The following HSPA12A variants were observed in gnomAD, a reference collection of about 807,000 sequenced individuals.
HSPA12A encodes the protein heat shock 70 kDa protein 12A.
Under a neutral mutation model 69.2 loss-of-function variants are expected in HSPA12A, and 28 were observed. The observed-to-expected ratio is 0.40, with a 90% confidence interval of 0.30 to 0.55. The LOEUF (loss-of-function observed/expected upper bound fraction) is 0.55. Among genes scored for constraint, HSPA12A ranks in the 20% least tolerant of loss-of-function variants. HSPA12A has a pLI of 0.38. For missense variants in HSPA12A, 686 were observed against 900.7 expected, an observed-to-expected ratio of 0.76 and a Z score of 3.05; for synonymous variants, 345 against 370.5, an observed-to-expected ratio of 0.93 and a Z score of 0.79.
chr10:116,674,752 C>A lies in HSPA12A; in HGVS notation c.*29G>T, dbSNP rs782010448. The A allele has an allele frequency of 6.3e-6, 10 of 1,582,240 alleles. No homozygotes were observed. The Admixed American group carries it at 1.5e-4, about 24-fold the overall frequency. ...GTCAGCAGATGCAGATAAGTTGAGT[C>A]CAAGGGGACAGGCAGCGGGGCGGGA... On this transcript the variant is annotated 3_prime_UTR_variant, in exon 12 of 12. Transcript: ENST00000369209.
chr10:116,831,655 G>A (rs909537357), intron 2 of HSPA12A: 1 of 152,188 alleles, frequency 6.6e-6, no homozygotes, highest in Non-Finnish European at 1.5e-5. Flanking sequence ...TACTACTGGA[G>A]TCTATCAATG....
At chr10:116,756,778 A>T (rs1381838004) in intron 2 of HSPA12A, among the ~76,000 whole-genome samples, 3 of 152,234 alleles carry the variant, frequency 2.0e-5, no homozygotes, top group African/African-American at 4.8e-5. Flanking sequence ...TATTACAAGG[A>T]TAAATACAAA....
chr10:116,784,025 CATAATTACAT>C, intron 2 of HSPA12A, among the ~76,000 whole-genome samples: 1 of 152,202 alleles, frequency 6.6e-6, no homozygotes, highest in South Asian at 2.1e-4. Flanking sequence ...TTTAAAATTA[CATAATTACAT>C]CTATTTTTTT....
At chr10:116,732,761 G>A (rs1231294878) in intron 1 of HSPA12A, among the ~76,000 whole-genome samples, 4 of 152,146 alleles carry the variant, frequency 2.6e-5, no homozygotes, top group Non-Finnish European at 4.4e-5. Flanking sequence ...ATTTGTTAAC[G>A]GCAAGGAGGT....
At chr10:116,783,907 T>C (rs1844518481) in intron 2 of HSPA12A, among the ~76,000 whole-genome samples, 1 of 152,190 alleles carries the variant, frequency 6.6e-6, no homozygotes, top group African/African-American at 2.4e-5. Flanking sequence ...TTTCACCATG[T>C]TGGCCAGTAC....
intron 1 of HSPA12A, among the ~76,000 whole-genome samples, chr10:116,847,857 G>A (rs1335183035): frequency 6.6e-6 from 1 of 152,202 alleles, no homozygotes. Context: ...CCATTGAGAT[G>A]TCAAATGAAT....
intron 2 of HSPA12A, among the ~76,000 whole-genome samples, chr10:116,762,230 T>C (rs1189867761): frequency 2.0e-5 from 3 of 152,214 alleles, no homozygotes; most frequent in South Asian, 2.1e-4. Context: ...TCATCAGCCC[T>C]GTGGGCACCT....
At chr10:116,783,389 G>C (rs1554892018) in intron 2 of HSPA12A, among the ~76,000 whole-genome samples, 1 of 152,188 alleles carries the variant, frequency 6.6e-6, no homozygotes. Context: ...AGTGGGAAGA[G>C]GGACAGAGCC....
intron 1 of HSPA12A, among the ~76,000 whole-genome samples, chr10:116,741,227 TG>T (rs1354481595): frequency 2.0e-5 from 3 of 152,088 alleles, no homozygotes; most frequent in Non-Finnish European, 4.4e-5. Context: ...AACAATGGGC[TG>T]GGGTGGGGGC....
At chr10:116,811,435 C>T (rs982051288) in intron 2 of HSPA12A, among the ~76,000 whole-genome samples, 1 of 152,190 alleles carries the variant, frequency 6.6e-6, no homozygotes, top group Non-Finnish European at 1.5e-5. Flanking sequence ...GCGCCAATCA[C>T]CTTGTCAAGC....
intron 2 of HSPA12A, among the ~76,000 whole-genome samples, chr10:116,766,974 G>T (rs1399030013): frequency 6.6e-6 from 1 of 152,214 alleles, no homozygotes; most frequent in African/African-American, 2.4e-5. Flanking sequence ...TCGCGGAGGG[G>T]AAGTGGAGAC....
At chr10:116,691,386 T>C (rs1187731649) in intron 6 of HSPA12A, among the ~76,000 whole-genome samples, 1 of 152,164 alleles carries the variant, frequency 6.6e-6, no homozygotes, top group Non-Finnish European at 1.5e-5. Context: ...TGTGGGTTTT[T>C]TGTAAAGAAA....
chr10:116,837,935 A>T (rs999224124), intron 1 of HSPA12A, among the ~76,000 whole-genome samples: 2 of 152,120 alleles, frequency 1.3e-5, no homozygotes, highest in Admixed American at 6.6e-5. Context: ...TCATACTGAC[A>T]GGGTTTTTCT....
At position 116,672,414 on chromosome 10, in the gene HSPA12A, T is replaced by A. The variant is rs1849111446; in HGVS notation, c.*2367A>T. Reference sequence around the variant, plus strand: ...TGCTCCTTTCAATGGAATCTGTGACTGTTTGGGAAGGATGTGCATGGAGAA... The same window carrying A: ...TGCTCCTTTCAATGGAATCTGTGACAGTTTGGGAAGGATGTGCATGGAGAA... On this transcript the variant is annotated 3_prime_UTR_variant, in exon 12 of 12. Coordinates refer to ENST00000369209, the MANE Select transcript of HSPA12A (RefSeq NM_025015.3). 1 of 152,216 alleles carries A rather than the reference T, an allele frequency of 6.6e-6. No homozygotes were observed. Among genetic ancestry groups the A allele is most frequent in the South Asian group, 2.1e-4 (1 of 4,830 alleles). 9.4% of individuals were successfully genotyped at this position (152,216 alleles called of 1,614,324 possible). A position where few individuals can be genotyped will look rare whatever the true frequency, so the allele number is the denominator to read the frequency against.
At chr10:116,731,256 C>T (rs1305445828) in intron 1 of HSPA12A, among the ~76,000 whole-genome samples, 10 of 152,152 alleles carry the variant, frequency 6.6e-5, no homozygotes, top group Non-Finnish European at 1.5e-5. Flanking sequence ...CTTCTCTGGC[C>T]AGAGGAAGCC....
chr10:116,741,815 C>T (rs1554887204), intron 1 of HSPA12A, among the ~76,000 whole-genome samples: 1 of 152,220 alleles, frequency 6.6e-6, no homozygotes, highest in Non-Finnish European at 1.5e-5. Context: ...ACCCCCGCCG[C>T]TTCACCCTTC....
upstream of HSPA12A, among the ~76,000 whole-genome samples, chr10:116,747,351 T>C (rs1458933942): frequency 6.6e-6 from 1 of 152,232 alleles, no homozygotes; most frequent in Non-Finnish European, 1.5e-5. Flanking sequence ...TTTTCGTAAG[T>C]ATTTCAAATA....
At chr10:116,835,091 G>A (rs955651209) in intron 1 of HSPA12A, 7 of 998,172 alleles carry the variant, frequency 7.0e-6, no homozygotes, top group African/African-American at 1.7e-5. Context: ...CTTAAGTCGC[G>A]TACTCGTGCT....
At position 116,705,271 on chromosome 10, in the gene HSPA12A, G is replaced by C. The variant is rs1850207342; in HGVS notation, c.134C>G (p.Thr45Ser). The stretch of plus-strand genomic sequence containing the variant: ...CTGCTGTTCTGAGACGTTGGAGTCA[G>C]TGTCGTTCTGCAGATATACAGTGAG... The part of the protein sequence containing the change: ...PLSPSHIVND[T>S]DSNVSEQQSF... Residue 45 changes from threonine (T) to serine (S), a missense_variant, in exon 3 of 12, where the codon ACT becomes AGT. By Grantham distance (58) the Thr-to-Ser change is moderately conservative (BLOSUM62 1). Coordinates refer to ENST00000369209, the MANE Select transcript of HSPA12A (RefSeq NM_025015.3). 1 of 1,614,160 alleles carries C rather than the reference G, an allele frequency of 6.2e-7. No individual in the cohort carries two copies. Among genetic ancestry groups the C allele is most frequent in the Middle Eastern group, 1.6e-4 (1 of 6,062 alleles).
Sources: allele counts gnomAD v4.1 joint callset (sites outside exome capture counted in the v4.1 genomes callset), GRCh38; gene constraint gnomAD v4.1.1; transcripts MANE v1.5; gene names NCBI Gene and HGNC (gene_info 2026-07-23, HGNC 2026-07-21).